FARSB: variants seen among roughly 807,000 people sequenced by gnomAD.
FARSB encodes phenylalanine--tRNA ligase beta subunit.
A neutral mutation model predicts 69.6 loss-of-function variants in FARSB; 40 were observed. The ratio of observed to expected loss-of-function variants is 0.57; its 90% CI spans 0.45 to 0.75. FARSB has a LOEUF of 0.75. Among genes scored for constraint, FARSB ranks in the 30% least tolerant of loss-of-function variants. The pLI is 0.00. For synonymous variants in FARSB, 235 were observed against 247.2 expected, an observed-to-expected ratio of 0.95 and a Z score of 0.46; for missense variants, 632 against 722.9, an observed-to-expected ratio of 0.87 and a Z score of 1.44.
intron 1 of FARSB, among the ~76,000 whole-genome samples, chr2:222,649,967 T>C (rs1210213249): frequency 6.6e-6 from 1 of 152,074 alleles, no homozygotes; most frequent in Non-Finnish European, 1.5e-5. Context: ...GGTACCAGGG[T>C]TACAAAGATA....
At chr2:222,643,052 C>T in intron 2 of FARSB, 47 bp from the exon 3 acceptor site, 1 of 1,268,126 alleles carries the variant, frequency 7.9e-7, no homozygotes, top group African/African-American at 1.5e-5. Context: ...AATTTAAACT[C>T]TCTTTAAAAA....
In FARSB at chr2:222,566,933, C is replaced by G. The variant is rs1689646073; in HGVS notation, c.*4938G>C. ...TAAAAGAATTTTATTTCTCACAGTT[C>G]TGGAGGCTAGAATTTCAAGATCAAG... On this transcript the variant is annotated 3_prime_UTR_variant, in exon 17 of 17. Transcript: ENST00000281828. 6.6e-6 allele frequency: 1 copy of G among 152,230 alleles called. No individual in the cohort carries two copies. Among genetic ancestry groups the G allele is most frequent in the Non-Finnish European group, 1.5e-5 (1 of 68,034 alleles). 9.4% of individuals were successfully genotyped at this position (152,230 alleles called of 1,614,324 possible). A position where few individuals can be genotyped will look rare whatever the true frequency, so the allele number is the denominator to read the frequency against.
intron 2 of FARSB, among the ~76,000 whole-genome samples, chr2:222,643,460 A>C (rs2106239090): frequency 6.6e-6 from 1 of 152,366 alleles, no homozygotes; most frequent in East Asian, 1.9e-4. Flanking sequence ...CCCTTTACAG[A>C]AAAAGTTTTC....
chr2:222,598,547 A>G (rs1191569882), intron 16 of FARSB, among the ~76,000 whole-genome samples: 1 of 152,216 alleles, frequency 6.6e-6, no homozygotes, highest in Non-Finnish European at 1.5e-5. Context: ...TGTTTAAGAA[A>G]TAAGATTTCT....
At chr2:222,638,353 A>C (rs1691637279) in intron 5 of FARSB, among the ~76,000 whole-genome samples, 1 of 152,228 alleles carries the variant, frequency 6.6e-6, no homozygotes, top group Non-Finnish European at 1.5e-5. Context: ...ATTAAGTAAG[A>C]AAATGTCTGT....
intron 1 of FARSB, among the ~76,000 whole-genome samples, chr2:222,653,482 CAT>C (rs920911036): frequency 6.6e-6 from 1 of 151,836 alleles, no homozygotes; most frequent in African/African-American, 2.4e-5. Context: ...TTGGAAACCA[CAT>C]GTTTGCTGAA....
At chr2:222,574,321 G>C (rs1160276862) in intron 16 of FARSB, among the ~76,000 whole-genome samples, 1 of 151,824 alleles carries the variant, frequency 6.6e-6, no homozygotes, top group Admixed American at 6.6e-5. Context: ...TCTTTCCAAA[G>C]AAAAGCAAAA....
At chr2:222,608,859 G>A (rs893743177) in intron 15 of FARSB, among the ~76,000 whole-genome samples, 6 of 152,094 alleles carry the variant, frequency 3.9e-5, no homozygotes, top group East Asian at 1.9e-4. Flanking sequence ...CCCTATGAAC[G>A]GTCAAGAGGC....
intron 6 of FARSB, among the ~76,000 whole-genome samples, chr2:222,633,826 A>C (rs1691506536): frequency 6.6e-6 from 1 of 152,218 alleles, no homozygotes; most frequent in Non-Finnish European, 1.5e-5. Flanking sequence ...TCATTTCTCA[A>C]GAGTGAAAAC....
chr2:222,620,842 G>A (rs1691117043), intron 13 of FARSB, among the ~76,000 whole-genome samples: 1 of 152,174 alleles, frequency 6.6e-6, no homozygotes, highest in African/African-American at 2.4e-5. Flanking sequence ...AAAACAAAAT[G>A]ATACACATCA....
intron 14 of FARSB, among the ~76,000 whole-genome samples, chr2:222,619,104 T>G (rs1478020087): frequency 6.6e-6 from 1 of 150,800 alleles, no homozygotes; most frequent in Admixed American, 6.6e-5. Context: ...ATCCCGCCAC[T>G]GCACTCCAGC....
chr2:222,596,978 T>C (rs1312477327), intron 16 of FARSB, among the ~76,000 whole-genome samples: 2 of 152,168 alleles, frequency 1.3e-5, no homozygotes, highest in African/African-American at 4.8e-5. Context: ...GAAATCCCTA[T>C]GAGAAATGAG....
chr2:222,655,946 T>TTCA (rs2106022107), intron 1 of FARSB, 70 bp downstream of exon 1: 1 of 1,265,246 alleles, frequency 7.9e-7, no homozygotes, highest in East Asian at 2.5e-5. Flanking sequence ...TGTCGCCACA[T>TTCA]TGCCCTTTTG....
At chr2:222,622,833 C>T (rs1691174449) in intron 13 of FARSB, among the ~76,000 whole-genome samples, 1 of 152,146 alleles carries the variant, frequency 6.6e-6, no homozygotes, top group South Asian at 2.1e-4. Flanking sequence ...GGTGCAGTGC[C>T]TGACATATAA....
intron 15 of FARSB, among the ~76,000 whole-genome samples, 197 bp downstream of exon 15, chr2:222,613,614 A>G (rs934609925): frequency 1.3e-5 from 2 of 152,238 alleles, no homozygotes; most frequent in African/African-American, 4.8e-5. Context: ...TCTATGATTC[A>G]TATTAAAATA....
At chr2:222,639,034 T>C (rs1315443241) in intron 5 of FARSB, among the ~76,000 whole-genome samples, 1 of 152,206 alleles carries the variant, frequency 6.6e-6, no homozygotes, top group Admixed American at 6.5e-5. Flanking sequence ...GTGAAGATTA[T>C]TGCCCTAAAG....
chr2:222,588,087 T>G (rs1318757299), intron 16 of FARSB, among the ~76,000 whole-genome samples: 2 of 152,118 alleles, frequency 1.3e-5, no homozygotes, highest in South Asian at 4.1e-4. Context: ...ATATCCCTGA[T>G]GAACATCGAT....
chr2:222,611,688 A>T lies in FARSB; in HGVS notation c.1462+2123T>A, dbSNP rs1245751882. ...GCTCTCTCAATAGGAAGTCATCCTA[A>T]GCATAAGCCTTCGGGCCAGAAAGAG... On this transcript the variant is annotated intron_variant, in intron 15 of 16. Coordinates refer to ENST00000281828, the MANE Select transcript of FARSB (RefSeq NM_005687.5). Among the ~76,000 whole-genome samples, 3 of 152,212 alleles carry T rather than the reference A, an allele frequency of 2.0e-5. No individual in the cohort carries two copies. In the East Asian group the frequency reaches 5.8e-4, roughly 29 times the overall value.
At chr2:222,581,913 A>T (rs752939667) in intron 16 of FARSB, among the ~76,000 whole-genome samples, 1 of 152,252 alleles carries the variant, frequency 6.6e-6, no homozygotes, top group Non-Finnish European at 1.5e-5. Flanking sequence ...GGCAAAGACA[A>T]GAAGTCTGGT....
Sources: gnomAD v4.1 joint callset for allele counts (sites outside exome capture counted in the v4.1 genomes callset) on GRCh38, gnomAD v4.1.1 for gene constraint, MANE v1.5 for transcripts, NCBI Gene and HGNC (gene_info 2026-07-23, HGNC 2026-07-21) for gene names.